The following SLC33A1 variants were observed in gnomAD, a reference collection of about 807,000 sequenced individuals.
SLC33A1 encodes the protein acetyl-coenzyme A transporter 1.
SLC33A1 carries 20 observed loss-of-function variants against 50.0 expected under a neutral mutation model. That is an observed-to-expected ratio of 0.40 (90% CI 0.28 to 0.58). SLC33A1 has a LOEUF of 0.58. Ranked by LOEUF, SLC33A1 falls within the 20% of genes least tolerant of loss-of-function variation. The pLI is 0.44. For synonymous variants in SLC33A1, 265 were observed against 251.8 expected (o/e 1.05, Z -0.50); for missense variants, 476 against 657.0 (o/e 0.72, Z 3.01).
At chr3:155,838,742 T>A (rs1386724347) in intron 2 of SLC33A1, among the ~76,000 whole-genome samples, 1 of 151,600 alleles carries the variant, frequency 6.6e-6, no homozygotes, top group African/African-American at 2.4e-5. Context: ...TCTAACTACT[T>A]GAGAGGCTGA....
At chr3:155,830,831 G>A (rs1478206530) in intron 4 of SLC33A1, among the ~76,000 whole-genome samples, 1 of 151,982 alleles carries the variant, frequency 6.6e-6, no homozygotes, top group African/African-American at 2.4e-5. Context: ...CAAAATTTAT[G>A]TGACAAACTG....
In SLC33A1 at chr3:155,853,423, G is replaced by A; in HGVS notation, c.575C>T (p.Thr192Ile). 6.2e-7 allele frequency: 1 copy of A among 1,614,080 alleles called. No homozygotes were observed. Among genetic ancestry groups the A allele is most frequent in the Non-Finnish European group, 8.5e-7 (1 of 1,180,028 alleles). Residue 192 changes from threonine (T) to isoleucine (I), a missense_variant, in exon 1 of 6, where the codon ACT becomes ATT. Coordinates refer to ENST00000643144, the MANE Select transcript of SLC33A1 (RefSeq NM_004733.4). Reference sequence around the variant, plus strand: ...CCAACCATCGACGGCAATGTCCTGAGTGGCGGCCAAGAATTCAAACAAAAA... The same window carrying A: ...CCAACCATCGACGGCAATGTCCTGAATGGCGGCCAAGAATTCAAACAAAAA... ...AFFLFEFLAATQDIAVDGWAL... is the reference protein window; with the variant it reads ...AFFLFEFLAAIQDIAVDGWAL...
intron 1 of SLC33A1, among the ~76,000 whole-genome samples, chr3:155,848,112 T>A (rs547640997): frequency 6.6e-6 from 1 of 152,106 alleles, no homozygotes; most frequent in African/African-American, 2.4e-5. Flanking sequence ...AGATGACAGA[T>A]AGAGAGATGA....
At chr3:155,848,064 T>C (rs1003381492) in intron 1 of SLC33A1, among the ~76,000 whole-genome samples, 1 of 152,190 alleles carries the variant, frequency 6.6e-6, no homozygotes, top group Non-Finnish European at 1.5e-5. Flanking sequence ...CAATTACCAG[T>C]TTACAGGCTA....
At chr3:155,851,081 A>C (rs9859446) in intron 1 of SLC33A1, among the ~76,000 whole-genome samples, 4,169 of 151,930 alleles carry the variant, frequency 0.027, 192 homozygotes, top group African/African-American at 0.094. Context: ...GTCTGTACTA[A>C]AAATACAAAA....
At chr3:155,833,030 TCA>T (rs1752507971) in intron 4 of SLC33A1, among the ~76,000 whole-genome samples, 1 of 151,764 alleles carries the variant, frequency 6.6e-6, no homozygotes, top group Non-Finnish European at 1.5e-5. Context: ...GACAGGTGGA[TCA>T]CAAAGTCAGG....
intron 1 of SLC33A1, among the ~76,000 whole-genome samples, chr3:155,848,854 T>G (rs6806346): frequency 6.6e-6 from 1 of 152,174 alleles, no homozygotes; most frequent in African/African-American, 2.4e-5. Flanking sequence ...ATATATTCCA[T>G]CTCCATTTAT....
chr3:155,829,519 G>A (rs1435387971), intron 5 of SLC33A1, among the ~76,000 whole-genome samples, 169 bp downstream of exon 5: 1 of 152,126 alleles, frequency 6.6e-6, no homozygotes, highest in African/African-American at 2.4e-5. Flanking sequence ...TGATTTGAAT[G>A]ATTATAACCC....
At position 155,854,069 on chromosome 3, in the gene SLC33A1, C is replaced by A. The variant is rs1449976373; in HGVS notation, c.-72G>T. 7.7e-7 allele frequency: 1 copy of A among 1,299,710 alleles called. No homozygotes were observed. Among genetic ancestry groups the A allele is most frequent in the Non-Finnish European group, 1.0e-6 (1 of 957,314 alleles). 80.5% of individuals were successfully genotyped at this position (1,299,710 alleles called of 1,614,324 possible). ...GTTTTGGATCCGTCCAGTCCCAGGT[C>A]CAAGGCTGTCGCGCTGGACCAGGGT... On this transcript the variant is annotated 5_prime_UTR_variant, in exon 1 of 6. Transcript: ENST00000643144.
At position 155,847,134 on chromosome 3, in the gene SLC33A1, G is replaced by A. The variant is rs142184883; in HGVS notation, c.776-4515C>T. On this transcript the variant is annotated intron_variant, in intron 1 of 5. Transcript: ENST00000643144. ...GAGGCATGAGAATCGCTTGAATCCA[G>A]GAGGCAGAGGTTGCAGCGAGCCGAG... 1.1e-4 allele frequency among the ~76,000 whole-genome samples: 17 copies of A among 152,284 alleles called. No homozygotes were observed. In the East Asian group the frequency reaches 2.9e-3, roughly 26 times the overall value.
intron 1 of SLC33A1, chr3:155,844,955 A>G (rs1428604236): frequency 6.6e-6 from 1 of 152,144 alleles, no homozygotes; most frequent in Non-Finnish European, 1.5e-5. Context: ...CTATTTTTGC[A>G]TTCTTAATTC....
rs1487418195 is a variant in SLC33A1, at chr3:155,854,007, G to A, written c.-10C>T. 3 of 1,536,640 alleles carry A rather than the reference G, an allele frequency of 2.0e-6. No homozygotes were observed. The highest frequency in any genetic ancestry group is 2.6e-6 in the Non-Finnish European group (3 of 1,147,166). On this transcript the variant is annotated 5_prime_UTR_variant, in exon 1 of 6. Transcript: ENST00000643144. Reference sequence around the variant, plus strand: ...AGATGGTGGGTGACATATCAGAGACGATGCAGAGCCCCGTCTGTGGGGGGC... The same window carrying A: ...AGATGGTGGGTGACATATCAGAGACAATGCAGAGCCCCGTCTGTGGGGGGC...
intron 3 of SLC33A1, 47 bp downstream of exon 3, chr3:155,833,810 C>G: frequency 7.1e-7 from 1 of 1,413,474 alleles, no homozygotes; most frequent in Non-Finnish European, 1.0e-6. Flanking sequence ...GATGAATGTT[C>G]CTCATTTTAC....
intron 1 of SLC33A1, among the ~76,000 whole-genome samples, chr3:155,852,841 G>T (rs1753451577): frequency 6.6e-6 from 1 of 152,152 alleles, no homozygotes; most frequent in African/African-American, 2.4e-5. Context: ...TGGGTACAAC[G>T]GTAGGGGTAG....
Position 155,822,758 on chromosome 3 carries a change from T to A in SLC33A1, c.*5452A>T, listed in dbSNP as rs974829704. 3.3e-5 allele frequency: 5 copies of A among 152,192 alleles called. No individual in the cohort carries two copies. Among genetic ancestry groups the A allele is most frequent in the Non-Finnish European group, 7.3e-5 (5 of 68,036 alleles). The allele number at this position is 152,192 out of a possible 1,614,324, so 9.4% of individuals were successfully genotyped here. On this transcript the variant is annotated 3_prime_UTR_variant, in exon 6 of 6. Coordinates refer to ENST00000643144, the MANE Select transcript of SLC33A1 (RefSeq NM_004733.4). ...AACCTTTTTCTAAATGAGTCAAGAC[T>A]TCTTATGAGCTATGCAAATTAATAT... is the stretch of plus-strand genomic sequence containing the variant.
chr3:155,843,596 A>G (rs1351671430), intron 1 of SLC33A1, among the ~76,000 whole-genome samples: 1 of 152,166 alleles, frequency 6.6e-6, no homozygotes, highest in Admixed American at 6.5e-5. Flanking sequence ...AATAGTAATA[A>G]TGGAGGTATC....
In SLC33A1 at chr3:155,826,279, C is replaced by G. The variant is rs1560009326; in HGVS notation, c.*1931G>C. On this transcript the variant is annotated 3_prime_UTR_variant, in exon 6 of 6. Coordinates refer to ENST00000643144, the MANE Select transcript of SLC33A1 (RefSeq NM_004733.4). Reference sequence around the variant, plus strand: ...GTGTGCGCCTGTAGTCCCAGCTACTCAGAGGACTGGGGCAGGAGAATCACT... The same window carrying G: ...GTGTGCGCCTGTAGTCCCAGCTACTGAGAGGACTGGGGCAGGAGAATCACT... The G allele has an allele frequency of 6.6e-6, 1 of 151,718 alleles. No homozygotes were observed. Among genetic ancestry groups the G allele is most frequent in the Admixed American group, 6.6e-5 (1 of 15,200 alleles). 9.4% of individuals were successfully genotyped at this position (151,718 alleles called of 1,614,324 possible).
rs1753510310 is a variant in SLC33A1, at chr3:155,853,733, G to A, written c.265C>T (p.Leu89=). 1 of 1,614,106 alleles carries A rather than the reference G, an allele frequency of 6.2e-7. No individual in the cohort carries two copies. Among genetic ancestry groups the A allele is most frequent in the Non-Finnish European group, 8.5e-7 (1 of 1,180,020 alleles). The part of the protein sequence containing the change: ...LFLYVLQGIP[L]GLAGSIPLIL... ...AGTGGGATGCTTCCCGCCAAGCCCA[G>A]GGGAATACCCTGAAGCACGTAAAGA... The change falls in exon 1 of 6, where the codon CTG becomes TTG. Residue 89 remains leucine (L), a synonymous_variant. Coordinates refer to ENST00000643144, the MANE Select transcript of SLC33A1 (RefSeq NM_004733.4).
chr3:155,848,981 C>T (rs553987300), intron 1 of SLC33A1, among the ~76,000 whole-genome samples: 29 of 151,410 alleles, frequency 1.9e-4, no homozygotes, highest in African/African-American at 5.6e-4. Flanking sequence ...GGTGTGATCT[C>T]GGCTTACTGC....
Sources: gnomAD v4.1 joint callset for allele counts (sites outside exome capture counted in the v4.1 genomes callset) on GRCh38, gnomAD v4.1.1 for gene constraint, MANE v1.5 for transcripts, NCBI Gene and HGNC (gene_info 2026-07-23, HGNC 2026-07-21) for gene names.